The following NSD2 variants were observed in gnomAD, a reference collection of about 807,000 sequenced individuals.
The protein encoded by NSD2 is nuclear receptor binding SET domain protein 2, also known as histone-lysine N-methyltransferase NSD2.
In NSD2, 12 loss-of-function variants were observed where a neutral mutation model predicts 139.0. That is an observed-to-expected ratio of 0.09 (90% confidence interval 0.06 to 0.14). The LOEUF (loss-of-function observed/expected upper bound fraction) is 0.14. Ranked by LOEUF, NSD2 falls within the 10% of genes least tolerant of loss-of-function variation. NSD2 has a pLI of 1.00. For missense variants in NSD2, 1,155 were observed against 1,745.0 expected (o/e 0.66, Z 6.02); for synonymous variants, 669 against 648.7 (o/e 1.03, Z -0.48).
chr4:1,922,695 G>C (rs1364751194), intron 5 of NSD2, among the ~76,000 whole-genome samples: 1 of 152,198 alleles, frequency 6.6e-6, no homozygotes, highest in African/African-American at 2.4e-5. Context: ...GGAGGTCAAG[G>C]CAGGCGGATC....
chr4:1,884,349 C>T (rs181580861), intron 1 of NSD2, among the ~76,000 whole-genome samples: 480 of 152,022 alleles, frequency 3.2e-3, no homozygotes, highest in Non-Finnish European at 5.1e-3. Flanking sequence ...GGCCCACCTT[C>T]GCCTCCCAAA....
chr4:1,913,908 A>G (rs1577422793), intron 3 of NSD2, among the ~76,000 whole-genome samples: 1 of 151,968 alleles, frequency 6.6e-6, no homozygotes, highest in Non-Finnish European at 1.5e-5. Context: ...GCTGATCCCT[A>G]CAGTTCTATG....
At chr4:1,916,180 G>A (rs2108798100) in intron 3 of NSD2, among the ~76,000 whole-genome samples, 1 of 152,238 alleles carries the variant, frequency 6.6e-6, no homozygotes, top group East Asian at 1.9e-4. Context: ...AGGTAGCAGG[G>A]CTGGGATTTG....
At chr4:1,943,405 T>C in intron 9 of NSD2, 1 of 1,041,268 alleles carries the variant, frequency 9.6e-7, no homozygotes, top group Non-Finnish European at 1.2e-6. Flanking sequence ...GTGACAGTAA[T>C]AATGGTTATA....
At chr4:1,964,887 T>C (rs1274837477) in intron 18 of NSD2, among the ~76,000 whole-genome samples, 1 of 152,026 alleles carries the variant, frequency 6.6e-6, no homozygotes, top group African/African-American at 2.4e-5. Context: ...TGGAAAGACC[T>C]TAAATTTCCA....
At position 1,982,009 on chromosome 4, in the gene NSD2, T is replaced by TCAA. The variant is rs1727814377; in HGVS notation, c.*3100_*3101insCAA. ...TGTAAGGTCAGATTCCTTTTAGGAA[T>TCAA]ACTGGGTGCTGTCACCAGGTTTGAT... On this transcript the variant is annotated 3_prime_UTR_variant, in exon 22 of 22. Coordinates refer to ENST00000508803, the MANE Select transcript of NSD2 (RefSeq NM_001042424.3). 5.0e-6 allele frequency: 2 copies of TCAA among 398,408 alleles called. No homozygotes were observed. Among genetic ancestry groups the TCAA allele is most frequent in the African/African-American group, 2.1e-5 (1 of 48,636 alleles). The allele number at this position is 398,408 out of a possible 1,614,324, so 24.7% of individuals were successfully genotyped here.
intron 21 of NSD2, 95 bp from the exon 22 acceptor site, chr4:1,978,543 T>C: frequency 6.6e-7 from 1 of 1,508,596 alleles, no homozygotes. Context: ...TTTGTGTTCA[T>C]TTGACCTGAC....
Position 1,938,441 on chromosome 4 carries a change from T to TTA in NSD2, c.1675-10_1675-9insTA. The TTA allele has an allele frequency of 2.7e-6, 3 of 1,091,082 alleles. No homozygotes were observed. Among genetic ancestry groups the TTA allele is most frequent in the Admixed American group, 2.8e-5 (1 of 36,218 alleles). 67.6% of individuals were successfully genotyped at this position (1,091,082 alleles called of 1,614,324 possible). A position where few individuals can be genotyped will look rare whatever the true frequency, so the allele number is the denominator to read the frequency against. ...CTTTTTTTTTTTTTTTTTTTTTTTT[T>TTA]AAATAATAGAGAGACACAATCACTG... On this transcript the variant is annotated splice_polypyrimidine_tract_variant and intron_variant, in intron 7 of 21. Coordinates refer to ENST00000508803, the MANE Select transcript of NSD2 (RefSeq NM_001042424.3).
At chr4:1,954,131 C>T (rs1322831005) in intron 12 of NSD2, among the ~76,000 whole-genome samples, 4 of 152,148 alleles carry the variant, frequency 2.6e-5, no homozygotes, top group South Asian at 2.1e-4. Flanking sequence ...ATTACAGGCA[C>T]GTGCCACCAT....
At chr4:1,904,122 A>T in intron 2 of NSD2, 94 bp from the exon 3 acceptor site, 1 of 1,395,896 alleles carries the variant, frequency 7.2e-7, no homozygotes, top group South Asian at 1.4e-5. Context: ...GTCTGTGTGT[A>T]TTTGGACATT....
At chr4:1,895,504 G>A (rs1164280441) in intron 1 of NSD2, among the ~76,000 whole-genome samples, 1 of 151,988 alleles carries the variant, frequency 6.6e-6, no homozygotes, top group African/African-American at 2.4e-5. Context: ...TGCCTGGTCT[G>A]CTATATTCAA....
intron 3 of NSD2, among the ~76,000 whole-genome samples, chr4:1,909,369 C>G (rs147456465): frequency 1.3e-5 from 2 of 152,162 alleles, no homozygotes; most frequent in Non-Finnish European, 2.9e-5. Flanking sequence ...GTTCATTGCT[C>G]TGGGAGACAG....
intron 1 of NSD2, among the ~76,000 whole-genome samples, chr4:1,891,863 AAAAAAAAAC>A (rs1715588271): frequency 1.3e-5 from 2 of 150,828 alleles, no homozygotes; most frequent in African/African-American, 4.9e-5. Flanking sequence ...TCTCAAAAAA[AAAAAAAAAC>A]AAAAAAAAAC....
At chr4:1,919,805 G>A (rs370539090) in intron 5 of NSD2, among the ~76,000 whole-genome samples, 8 of 152,208 alleles carry the variant, frequency 5.3e-5, no homozygotes, top group African/African-American at 1.4e-4. Context: ...GCATGGTGAC[G>A]CGTGCTTGTA....
intron 1 of NSD2, among the ~76,000 whole-genome samples, chr4:1,873,237 A>T (rs1713999940): frequency 6.6e-6 from 1 of 152,228 alleles, no homozygotes; most frequent in Admixed American, 6.5e-5. Flanking sequence ...TGATCTCAGT[A>T]CAAAAATTGT....
intron 3 of NSD2, among the ~76,000 whole-genome samples, chr4:1,905,147 T>A (rs1717719114): frequency 6.6e-6 from 1 of 151,822 alleles, no homozygotes; most frequent in South Asian, 2.1e-4. Flanking sequence ...AAAAAAAGAA[T>A]GTTATATGTC....
chr4:1,978,947 A>C lies in NSD2; in HGVS notation c.*38A>C. The C allele has an allele frequency of 6.9e-7, 1 of 1,454,060 alleles. No homozygotes were observed. Among genetic ancestry groups the C allele is most frequent in the Non-Finnish European group, 9.1e-7 (1 of 1,101,080 alleles). 90.1% of individuals were successfully genotyped at this position (1,454,060 alleles called of 1,614,324 possible). A position where few individuals can be genotyped will look rare whatever the true frequency, so the allele number is the denominator to read the frequency against. ...GCTTGGCCGGATCCAGGGGCGGTGCAGGGCGGCCGGCCCTGCCTGCGGGAG... is the reference window on the plus strand; with the variant it reads ...GCTTGGCCGGATCCAGGGGCGGTGCCGGGCGGCCGGCCCTGCCTGCGGGAG... On this transcript the variant is annotated 3_prime_UTR_variant, in exon 22 of 22. Transcript: ENST00000508803.
chr4:1,948,647 A>G lies in NSD2; in HGVS notation c.1882-2425A>G. On this transcript the variant is annotated intron_variant, in intron 9 of 21. Coordinates refer to ENST00000508803, the MANE Select transcript of NSD2 (RefSeq NM_001042424.3). This position sits in a 1 kb window ranked among gnomAD's most constrained non-coding sequence, Gnocchi z 4.5. The stretch of plus-strand genomic sequence containing the variant: ...TTCTGTATGTGGGTCCCAGACCCTG[A>G]TCAGGAAATGAGCCTCATGTGTGTC... 1.9e-6 allele frequency: 2 copies of G among 1,061,084 alleles called. No homozygotes were observed. The highest frequency in any genetic ancestry group is 2.3e-6 in the Non-Finnish European group (2 of 875,664). 65.7% of individuals were successfully genotyped at this position (1,061,084 alleles called of 1,614,324 possible).
chr4:1,967,891 G>T (rs1230769431), intron 18 of NSD2, among the ~76,000 whole-genome samples: 2 of 152,094 alleles, frequency 1.3e-5, no homozygotes, highest in African/African-American at 4.8e-5. Flanking sequence ...AGGAATTAGG[G>T]AGGGATAAGG....
Sources: allele counts gnomAD v4.1 joint callset (sites outside exome capture counted in the v4.1 genomes callset), GRCh38; gene constraint gnomAD v4.1.1; non-coding constraint Gnocchi (gnomAD v3.1); transcripts MANE v1.5; gene names NCBI Gene and HGNC (gene_info 2026-07-23, HGNC 2026-07-21).